UNC5CL: variants seen among roughly 807,000 people sequenced by gnomAD.
The protein encoded by UNC5CL is unc-5 family C-terminal like.
Under a neutral mutation model 54.1 loss-of-function variants are expected in UNC5CL, and 42 were observed. That is an observed-to-expected ratio of 0.78 (90% CI 0.61 to 1.00). The LOEUF (loss-of-function observed/expected upper bound fraction) is 1.00, where lower values mean the gene tolerates loss of function less well. Among genes scored for constraint, UNC5CL ranks in the 50% least tolerant of loss-of-function variants. The pLI is 0.00. For missense variants in UNC5CL, 619 were observed against 675.6 expected (o/e 0.92, Z 0.93); for synonymous variants, 285 against 285.1 (o/e 1.00, Z 0.00).
Position 41,028,392 on chromosome 6 carries a change from T to C in UNC5CL, c.1538A>G (p.Glu513Gly). The C allele has an allele frequency of 6.3e-7, 1 of 1,595,638 alleles. No individual in the cohort carries two copies. Among genetic ancestry groups the C allele is most frequent in the South Asian group, 1.1e-5 (1 of 89,570 alleles). ...GGGCGCTCAGAGCTTCTCGTCCAGC[T>C]CCAGGCCCTGGTTATCCCGGGCGCC... is the stretch of plus-strand genomic sequence containing the variant. ...RGGARDNQGLELDEKL is the reference protein window; with the variant it reads ...RGGARDNQGLGLDEKL Residue 513 changes from glutamate to glycine, a missense_variant, in exon 9 of 9, where the codon GAG becomes GGG. Coordinates refer to ENST00000244565, the MANE Select transcript of UNC5CL (RefSeq NM_173561.3). This position sits in a 1 kb window ranked among gnomAD's most constrained non-coding sequence, Gnocchi z 4.3.
In UNC5CL at chr6:41,028,676, C is replaced by G. The variant is rs1293584010; in HGVS notation, c.1335-81G>C. ...CCTGCTGCAGGCTCCCTGGGCTGCG[C>G]AGCGCAAGGTCCGTCCCTTCCCCAT... On this transcript the variant is annotated intron_variant, in intron 8 of 8. Transcript: ENST00000244565. This position sits in a 1 kb window ranked among gnomAD's most constrained non-coding sequence, Gnocchi z 4.3. 8 of 1,377,042 alleles carry G rather than the reference C, an allele frequency of 5.8e-6. No homozygotes were observed. Among genetic ancestry groups the G allele is most frequent in the African/African-American group, 2.8e-5 (2 of 70,458 alleles). The allele number at this position is 1,377,042 out of a possible 1,614,324, so 85.3% of individuals were successfully genotyped here.
At chr6:41,032,188 A>T in intron 4 of UNC5CL, 51 bp from the exon 5 acceptor site, 1 of 1,476,022 alleles carries the variant, frequency 6.8e-7, no homozygotes, top group East Asian at 2.3e-5. Flanking sequence ...GCCTTAAACA[A>T]GTATTGAAGG....
At chr6:41,038,620 G>C (rs531812967) in intron 1 of UNC5CL, among the ~76,000 whole-genome samples, 64 of 152,212 alleles carry the variant, frequency 4.2e-4, no homozygotes, top group Admixed American at 1.3e-3. Context: ...TGTGACTTGG[G>C]GCATCCCAAC....
rs1049149483 is a variant in UNC5CL, at chr6:41,028,650, C to T, written c.1335-55G>A. 4.3e-5 allele frequency: 66 copies of T among 1,549,256 alleles called. No homozygotes were observed. Among genetic ancestry groups the T allele is most frequent in the Non-Finnish European group, 5.1e-5 (58 of 1,138,918 alleles). ...GTGTAGGAGCAGGGAGGGGCTCCCC[C>T]CCTGCTGCAGGCTCCCTGGGCTGCG... On this transcript the variant is annotated intron_variant, in intron 8 of 8. Transcript: ENST00000244565. The surrounding 1 kb of genome is among the most constrained non-coding windows in gnomAD (Gnocchi z 4.3).
Position 41,030,401 on chromosome 6 carries a change from C to T in UNC5CL, c.1321G>A (p.Gly441Ser), listed in dbSNP as rs115953314. Reference protein sequence around the residue: ...RRLASHLGLCGMKIRFLSCQR... With the variant: ...RRLASHLGLCSMKIRFLSCQR... ...CCCTCTTCCTACCGGATCTTCATGC[C>T]GCAAAGCCCCAGGTGGGAGGCCAGT... Residue 441 changes from glycine to serine, a missense_variant, in exon 8 of 9, where the codon GGC becomes AGC. By Grantham distance (56) the Gly-to-Ser change is moderately conservative (BLOSUM62 0). Transcript: ENST00000244565. 3,852 of 1,614,040 alleles carry T rather than the reference C, an allele frequency of 2.4e-3. 6 individuals carry two copies. The highest frequency in any genetic ancestry group is 4.3e-3 in the Admixed American group (257 of 60,022).
rs187300892 is a variant in UNC5CL at position 41,032,027 on chromosome 6, C to T, written c.1051+9G>A. ...AGGGGAGGAGGTACACACAGGGCTC[C>T]CGGACTACCTGCTTTTCTCCGGAAG... On this transcript the variant is annotated intron_variant, in intron 5 of 8. Coordinates refer to ENST00000244565, the MANE Select transcript of UNC5CL (RefSeq NM_173561.3). 21 of 1,613,890 alleles carry T rather than the reference C, an allele frequency of 1.3e-5. No homozygotes were observed. The East Asian group carries it at 4.5e-4, about 34-fold the overall frequency.
Position 41,029,524 on chromosome 6 carries a change from G to A in UNC5CL, c.1334+864C>T, listed in dbSNP as rs1016233033. On this transcript the variant is annotated intron_variant, in intron 8 of 8. Coordinates refer to ENST00000244565, the MANE Select transcript of UNC5CL (RefSeq NM_173561.3). This position sits in a 1 kb window ranked among gnomAD's most constrained non-coding sequence, Gnocchi z 4.1. Reference sequence around the variant, plus strand: ...ACTAGTGTGTGCGCTCCTAGGCGCCGGGACCATGCCTCATTCATCTTGTAT... The same window carrying A: ...ACTAGTGTGTGCGCTCCTAGGCGCCAGGACCATGCCTCATTCATCTTGTAT... 3.9e-5 allele frequency among the ~76,000 whole-genome samples: 6 copies of A among 152,342 alleles called. No homozygotes were observed. The highest frequency in any genetic ancestry group is 1.9e-4 in the East Asian group (1 of 5,190).
At position 41,032,022 on chromosome 6, in the gene UNC5CL, G is replaced by A. The variant is rs1762460359; in HGVS notation, c.1051+14C>T. Reference sequence around the variant, plus strand: ...AAGAGAGGGGAGGAGGTACACACAGGGCTCCCGGACTACCTGCTTTTCTCC... The same window carrying A: ...AAGAGAGGGGAGGAGGTACACACAGAGCTCCCGGACTACCTGCTTTTCTCC... On this transcript the variant is annotated intron_variant, in intron 5 of 8. Coordinates refer to ENST00000244565, the MANE Select transcript of UNC5CL (RefSeq NM_173561.3). The A allele has an allele frequency of 6.2e-7, 1 of 1,612,894 alleles. No homozygotes were observed.
rs1488945212 is a variant in UNC5CL, at chr6:41,029,018, A to T, written c.1335-423T>A. On this transcript the variant is annotated intron_variant, in intron 8 of 8. Transcript: ENST00000244565. This position sits in a 1 kb window ranked among gnomAD's most constrained non-coding sequence, Gnocchi z 4.1. ...ACAACATCCTGCTCACTACTAAGGA[A>T]ACAGTTGCTGTAAACCATGGCTTTT... Among the ~76,000 whole-genome samples the T allele has an allele frequency of 6.6e-6, 1 of 150,972 alleles. No individual in the cohort carries two copies. Among genetic ancestry groups the T allele is most frequent in the Non-Finnish European group, 1.5e-5 (1 of 67,922 alleles).
intron 4 of UNC5CL, 61 bp from the exon 5 acceptor site, chr6:41,032,198 G>C: frequency 7.3e-7 from 1 of 1,373,890 alleles, no homozygotes; most frequent in South Asian, 1.2e-5. Flanking sequence ...AGTATTGAAG[G>C]GGGCTGTGGG....
intron 8 of UNC5CL, 54 bp downstream of exon 8, chr6:41,030,334 C>A: frequency 6.4e-7 from 1 of 1,564,834 alleles, no homozygotes; most frequent in Non-Finnish European, 8.8e-7. Flanking sequence ...TCCTGAGGAA[C>A]CCCATTCCAG....
Position 41,034,784 on chromosome 6 carries a change from C to T in UNC5CL, c.291G>A (p.Met97Ile). The T allele has an allele frequency of 6.2e-7, 1 of 1,614,144 alleles. No homozygotes were observed. Among genetic ancestry groups the T allele is most frequent in the Non-Finnish European group, 8.5e-7 (1 of 1,180,046 alleles). Residue 97 changes from methionine (M) to isoleucine (I), a missense_variant, in exon 2 of 9, where the codon ATG becomes ATA. By Grantham distance (10) the Met-to-Ile change is conservative. Coordinates refer to ENST00000244565, the MANE Select transcript of UNC5CL (RefSeq NM_173561.3). ...TQGQTMVRQL[M>I]HKLLVFSARE... ...GAGCCGAAAACACCAACAGTTTGTG[C>T]ATCAACTGGCGGACCATGGTCTGGC...
At position 41,027,111 on chromosome 6, in the gene UNC5CL, G is replaced by C. The variant is rs1271440885; in HGVS notation, c.*1262C>G. The C allele has an allele frequency of 6.6e-6, 1 of 152,186 alleles. No homozygotes were observed. Among genetic ancestry groups the C allele is most frequent in the African/African-American group, 2.4e-5 (1 of 41,436 alleles). 9.4% of individuals were successfully genotyped at this position (152,186 alleles called of 1,614,324 possible). ...ATACAGTATCAAACACATAGTAGGTGCTGAATAAGTATCTGCTGACTGAAT... is the reference window on the plus strand; with the variant it reads ...ATACAGTATCAAACACATAGTAGGTCCTGAATAAGTATCTGCTGACTGAAT... On this transcript the variant is annotated 3_prime_UTR_variant, in exon 9 of 9. Transcript: ENST00000244565.
intron 8 of UNC5CL, 50 bp downstream of exon 8, chr6:41,030,338 A>G (rs1464020643): frequency 6.3e-7 from 1 of 1,586,070 alleles, no homozygotes; most frequent in South Asian, 1.1e-5. Flanking sequence ...GAGGAACCCC[A>G]TTCCAGCCCA....
chr6:41,035,905 T>A (rs1762518147), intron 1 of UNC5CL, among the ~76,000 whole-genome samples: 1 of 152,184 alleles, frequency 6.6e-6, no homozygotes, highest in Admixed American at 6.5e-5. Flanking sequence ...CTCAGTTTCC[T>A]CATCTGTCCA....
Position 41,028,662 on chromosome 6 carries a change from C to A in UNC5CL, c.1335-67G>T. On this transcript the variant is annotated intron_variant, in intron 8 of 8. Transcript: ENST00000244565. This position sits in a 1 kb window ranked among gnomAD's most constrained non-coding sequence, Gnocchi z 4.3. ...GGAGGGGCTCCCCCCCTGCTGCAGG[C>A]TCCCTGGGCTGCGCAGCGCAAGGTC... 6.7e-7 allele frequency: 1 copy of A among 1,484,012 alleles called. No homozygotes were observed. The highest frequency in any genetic ancestry group is 1.2e-5 in the South Asian group (1 of 83,642). 91.9% of individuals were successfully genotyped at this position (1,484,012 alleles called of 1,614,324 possible).
rs1275730567 is a variant in UNC5CL at position 41,030,771 on chromosome 6, G to A, written c.1120-16C>T. ...TCTCCAAGCCCTGAGTCAACACAGGGCAGGGAACACACTTAGGGGTCACAA... is the reference window on the plus strand; with the variant it reads ...TCTCCAAGCCCTGAGTCAACACAGGACAGGGAACACACTTAGGGGTCACAA... On this transcript the variant is annotated splice_polypyrimidine_tract_variant and intron_variant, in intron 6 of 8. Transcript: ENST00000244565. 6.2e-7 allele frequency: 1 copy of A among 1,612,384 alleles called. No homozygotes were observed. The highest frequency in any genetic ancestry group is 8.5e-7 in the Non-Finnish European group (1 of 1,178,654).
At chr6:41,034,647 G>A in intron 2 of UNC5CL, 43 bp downstream of exon 2, 1 of 1,581,846 alleles carries the variant, frequency 6.3e-7, no homozygotes, top group Non-Finnish European at 8.6e-7. Flanking sequence ...CTAATGTACA[G>A]TCTGACCAAC....
At position 41,034,305 on chromosome 6, in the gene UNC5CL, A is replaced by C; in HGVS notation, c.386-124T>G. The C allele has an allele frequency of 2.6e-6, 3 of 1,151,498 alleles. No individual in the cohort carries two copies. In the South Asian group the frequency reaches 4.9e-5, roughly 19 times the overall value. 71.3% of individuals were successfully genotyped at this position (1,151,498 alleles called of 1,614,324 possible). On this transcript the variant is annotated intron_variant, in intron 2 of 8. Coordinates refer to ENST00000244565, the MANE Select transcript of UNC5CL (RefSeq NM_173561.3). ...CCAGGAGAGACCCCCAGCAGGGCAC[A>C]CAGGGAAGTGGTATGAACAAGAGTA... is the stretch of plus-strand genomic sequence containing the variant.
Sources: allele counts gnomAD v4.1 joint callset (sites outside exome capture counted in the v4.1 genomes callset), GRCh38; gene constraint gnomAD v4.1.1; non-coding constraint Gnocchi (gnomAD v3.1); transcripts MANE v1.5; gene names NCBI Gene and HGNC (gene_info 2026-07-23, HGNC 2026-07-21).